ZNF892: variants seen among roughly 807,000 people sequenced by gnomAD.
The protein encoded by ZNF892 is zinc finger protein 570-like.
the ZNF892 span, among the ~76,000 whole-genome samples, chr2:95,227,152 T>C: frequency 1.2e-4 from 15 of 120,270 alleles, no homozygotes; most frequent in Admixed American, 3.1e-4. Flanking sequence ...CTCCCTCCCT[T>C]CCTTCCTTCT....
chr2:95,251,275 T>C, the ZNF892 span, among the ~76,000 whole-genome samples: 1 of 152,196 alleles, frequency 6.6e-6, no homozygotes. Flanking sequence ...TATATAAACA[T>C]TGATTCTCAC....
chr2:95,239,403 TCTA>T, the ZNF892 span, among the ~76,000 whole-genome samples: 1 of 152,276 alleles, frequency 6.6e-6, no homozygotes, highest in South Asian at 2.1e-4. Context: ...TGAATGAAGT[TCTA>T]CTGTGAGTAA....
chr2:95,260,902 T>C, the ZNF892 span, among the ~76,000 whole-genome samples: 6 of 152,054 alleles, frequency 3.9e-5, no homozygotes, highest in Non-Finnish European at 5.9e-5. Flanking sequence ...AAGACTGGAG[T>C]CCTCAGTGGC....
the ZNF892 span, among the ~76,000 whole-genome samples, chr2:95,258,736 C>T: frequency 1.3e-5 from 2 of 152,116 alleles, no homozygotes; most frequent in African/African-American, 2.4e-5. Flanking sequence ...CCCAGGGCCC[C>T]GTCCATAGGT....
At chr2:95,222,621 A>G in the ZNF892 span, among the ~76,000 whole-genome samples, 1 of 152,170 alleles carries the variant, frequency 6.6e-6, no homozygotes, top group Non-Finnish European at 1.5e-5. Context: ...CCATCTGTGT[A>G]TCTTTGATGA....
chr2:95,242,981 C>G, the ZNF892 span, among the ~76,000 whole-genome samples: 1 of 152,222 alleles, frequency 6.6e-6, no homozygotes, highest in East Asian at 1.9e-4. Context: ...TGCCGAGTGT[C>G]TGCGATTGCA....
the ZNF892 span, among the ~76,000 whole-genome samples, chr2:95,254,296 GT>G: frequency 6.6e-5 from 10 of 152,302 alleles, no homozygotes; most frequent in South Asian, 2.1e-3. Flanking sequence ...ATGAAGCGTT[GT>G]TGAATTTTGT....
the ZNF892 span, among the ~76,000 whole-genome samples, chr2:95,261,232 T>C: frequency 1.3e-5 from 2 of 151,908 alleles, no homozygotes; most frequent in East Asian, 3.9e-4. Context: ...ATGACTGACA[T>C]TCCTTCCTCT....
chr2:95,227,099 C>A, the ZNF892 span, among the ~76,000 whole-genome samples: 53 of 142,214 alleles, frequency 3.7e-4, no homozygotes, highest in Middle Eastern at 3.4e-3. Flanking sequence ...CTCTCTCCTC[C>A]CTCCCCTCCC....
At chr2:95,221,212 T>C in the ZNF892 span, among the ~76,000 whole-genome samples, 7 of 152,346 alleles carry the variant, frequency 4.6e-5, no homozygotes, top group East Asian at 9.6e-4. Flanking sequence ...GTATTATTCA[T>C]ATAGTCATTT....
chr2:95,219,389 T>G, the ZNF892 span, among the ~76,000 whole-genome samples: 1 of 152,166 alleles, frequency 6.6e-6, no homozygotes, highest in African/African-American at 2.4e-5. Flanking sequence ...TCCTTGAGTT[T>G]TATTTCAGTT....
the ZNF892 span, among the ~76,000 whole-genome samples, chr2:95,240,186 C>T: frequency 6.6e-6 from 1 of 152,054 alleles, no homozygotes; most frequent in Non-Finnish European, 1.5e-5. Flanking sequence ...TTAGAAGCAG[C>T]TGCGGTTTGC....
At chr2:95,235,510 A>G in the ZNF892 span, among the ~76,000 whole-genome samples, 1 of 152,066 alleles carries the variant, frequency 6.6e-6, no homozygotes, top group Non-Finnish European at 1.5e-5. Flanking sequence ...TACAGGCGCC[A>G]GCCACCATGC....
chr2:95,262,651 T>C, the ZNF892 span, among the ~76,000 whole-genome samples: 1 of 152,142 alleles, frequency 6.6e-6, no homozygotes, highest in African/African-American at 2.4e-5. Flanking sequence ...CTTAGGATGA[T>C]AGAGTAGAAA....
the ZNF892 span, among the ~76,000 whole-genome samples, chr2:95,257,759 C>T: frequency 3.3e-4 from 51 of 152,310 alleles, no homozygotes; most frequent in Non-Finnish European, 7.4e-4. Flanking sequence ...ACTCAAGCCT[C>T]GGCAGTGGCG....
At chr2:95,218,949 C>T in the ZNF892 span, among the ~76,000 whole-genome samples, 2 of 152,092 alleles carry the variant, frequency 1.3e-5, no homozygotes, top group African/African-American at 2.4e-5. Flanking sequence ...GAATTGGGGT[C>T]GTGGGGACAT....
At chr2:95,255,560 T>C in the ZNF892 span, among the ~76,000 whole-genome samples, 1 of 152,176 alleles carries the variant, frequency 6.6e-6, no homozygotes, top group Non-Finnish European at 1.5e-5. Flanking sequence ...ATTCTGTTGA[T>C]TTGGGGTGGA....
chr2:95,220,723 G>A, the ZNF892 span, among the ~76,000 whole-genome samples: 1 of 151,992 alleles, frequency 6.6e-6, no homozygotes. Context: ...AAGATAAGCT[G>A]CCAATTTGAT....
the ZNF892 span, among the ~76,000 whole-genome samples, chr2:95,254,817 T>C: frequency 6.6e-6 from 1 of 152,212 alleles, no homozygotes; most frequent in Non-Finnish European, 1.5e-5. Context: ...TGGGAGGGTG[T>C]ATGTGTCGAA....
Sources: gnomAD v4.1 joint callset for allele counts (sites outside exome capture counted in the v4.1 genomes callset) on GRCh38, gnomAD v4.1.1 for gene constraint, MANE v1.5 for transcripts, NCBI Gene and HGNC (gene_info 2026-07-23, HGNC 2026-07-21) for gene names.